MGAT4C: variants seen among roughly 807,000 people sequenced by gnomAD.
The protein encoded by MGAT4C is MGAT4 family member C.
Under a neutral mutation model 40.1 loss-of-function variants are expected in MGAT4C, and 19 were observed. The ratio of observed to expected loss-of-function variants is 0.47; its 90% CI spans 0.33 to 0.70. The LOEUF is 0.70. MGAT4C is among the 30% of genes least tolerant of loss of function. The pLI is 0.02. For missense variants in MGAT4C, 491 were observed against 563.2 expected (o/e 0.87, Z 1.30); for synonymous variants, 181 against 187.1 (o/e 0.97, Z 0.27).
chr12:86,263,360 C>T, intron 4 of MGAT4C, among the ~76,000 whole-genome samples: 1 of 152,098 alleles, frequency 6.6e-6, no homozygotes, highest in East Asian at 1.9e-4. Flanking sequence ...TCACTATTAT[C>T]TATCATTATA....
chr12:86,454,729 T>C (rs1957483794), intron 2 of MGAT4C, among the ~76,000 whole-genome samples: 1 of 152,124 alleles, frequency 6.6e-6, no homozygotes. Flanking sequence ...AATTCAATGA[T>C]ATGGGGAAAA....
chr12:86,758,834 C>T (rs927739402), intron 1 of MGAT4C, among the ~76,000 whole-genome samples: 5 of 151,912 alleles, frequency 3.3e-5, no homozygotes, highest in South Asian at 2.1e-4. Context: ...GTGTAATGAT[C>T]GAATTGGGGC....
chr12:86,267,836 T>C (rs1952826065), intron 4 of MGAT4C, among the ~76,000 whole-genome samples: 1 of 152,118 alleles, frequency 6.6e-6, no homozygotes, highest in South Asian at 2.1e-4. Context: ...TTTTCACTTA[T>C]AATATGGAAT....
chr12:86,011,835 T>G, intron 2 of MGAT4C: 1 of 985,158 alleles, frequency 1.0e-6, no homozygotes, highest in Non-Finnish European at 1.2e-6. Flanking sequence ...AAGTAAAACT[T>G]TGGTCTCAAA....
intron 2 of MGAT4C, among the ~76,000 whole-genome samples, chr12:86,507,732 T>C (rs1285239826): frequency 1.3e-5 from 2 of 152,210 alleles, no homozygotes; most frequent in African/African-American, 2.4e-5. Context: ...TGCAATATTA[T>C]TGTGGCAATA....
At chr12:86,676,933 C>T (rs529222450) in intron 2 of MGAT4C, among the ~76,000 whole-genome samples, 10 of 152,030 alleles carry the variant, frequency 6.6e-5, no homozygotes, top group Non-Finnish European at 1.5e-4. Flanking sequence ...GATGGAAAAA[C>T]AGCCATCAGT....
chr12:86,470,158 A>C (rs573213022), intron 2 of MGAT4C, among the ~76,000 whole-genome samples: 2 of 152,292 alleles, frequency 1.3e-5, no homozygotes, highest in South Asian at 4.1e-4. Flanking sequence ...CTTGCTTACA[A>C]GCAGAACTCT....
chr12:86,230,268 C>T (rs948799776), intron 1 of MGAT4C, among the ~76,000 whole-genome samples: 1 of 152,042 alleles, frequency 6.6e-6, no homozygotes, highest in Non-Finnish European at 1.5e-5. Flanking sequence ...CTATTAGAAA[C>T]ACATAGTTAT....
chr12:86,766,380 G>T (rs1227499217), intron 1 of MGAT4C, among the ~76,000 whole-genome samples: 1 of 152,086 alleles, frequency 6.6e-6, no homozygotes, highest in Non-Finnish European at 1.5e-5. Context: ...AGTCCTGAGT[G>T]ACTTACAAAG....
intron 2 of MGAT4C, among the ~76,000 whole-genome samples, chr12:86,482,958 C>T (rs150798218): frequency 1.5e-3 from 233 of 152,214 alleles, no homozygotes; most frequent in African/African-American, 5.2e-3. Flanking sequence ...ACAAATGTAT[C>T]GTGATTCTTA....
intron 1 of MGAT4C, among the ~76,000 whole-genome samples, chr12:86,094,652 T>C (rs1170171083): frequency 6.6e-6 from 1 of 152,190 alleles, no homozygotes; most frequent in Non-Finnish European, 1.5e-5. Context: ...TACAAAGATA[T>C]GTTTTCATTA....
At chr12:86,675,631 C>G (rs929914268) in intron 2 of MGAT4C, among the ~76,000 whole-genome samples, 1 of 152,178 alleles carries the variant, frequency 6.6e-6, no homozygotes, top group African/African-American at 2.4e-5. Context: ...TACAATTGGT[C>G]TGAAATGGGG....
intron 1 of MGAT4C, among the ~76,000 whole-genome samples, chr12:86,823,465 A>T (rs571969629): frequency 6.6e-6 from 1 of 151,228 alleles, no homozygotes; most frequent in South Asian, 2.1e-4. Context: ...CGGAAAAAAA[A>T]TTAACAGATA....
chr12:86,203,631 T>C (rs1404679573), intron 1 of MGAT4C, among the ~76,000 whole-genome samples: 7 of 152,202 alleles, frequency 4.6e-5, no homozygotes, highest in African/African-American at 1.7e-4. Context: ...GGAGCTCGTC[T>C]GTATGTATTT....
intron 1 of MGAT4C, among the ~76,000 whole-genome samples, chr12:86,101,074 C>A (rs1476147550): frequency 6.6e-6 from 1 of 151,516 alleles, no homozygotes; most frequent in South Asian, 2.1e-4. Flanking sequence ...ATTTCATATT[C>A]TTTTTCATTC....
Position 86,508,163 on chromosome 12 carries a change from T to A in MGAT4C, c.-228-72898A>T, listed in dbSNP as rs1958505075. Among the ~76,000 whole-genome samples, 5 of 152,258 alleles carry A rather than the reference T, an allele frequency of 3.3e-5. No homozygotes were observed. In the South Asian group the frequency reaches 1.0e-3, roughly 32 times the overall value. ...ATGCTGGTGCGCTGCACCCACTAAC[T>A]CGTCATCTAGCATTAGGTATATCTC... is the stretch of plus-strand genomic sequence containing the variant. On this transcript the variant is annotated intron_variant, in intron 2 of 7. Transcript: ENST00000548651.
intron 1 of MGAT4C, among the ~76,000 whole-genome samples, chr12:86,802,342 A>G (rs1277065632): frequency 2.0e-5 from 3 of 151,982 alleles, no homozygotes; most frequent in Non-Finnish European, 2.9e-5. Context: ...GTCCAAAAAT[A>G]TAACTAAATA....
At chr12:86,773,686 C>A (rs555522055) in intron 1 of MGAT4C, among the ~76,000 whole-genome samples, 1 of 151,944 alleles carries the variant, frequency 6.6e-6, no homozygotes, top group South Asian at 2.1e-4. Context: ...ATATTCATAT[C>A]TCTTAACTAT....
At chr12:86,001,773 T>C (rs1887324218) in intron 2 of MGAT4C, 1 of 359,270 alleles carries the variant, frequency 2.8e-6, no homozygotes, top group South Asian at 1.1e-4. Context: ...TGAGCTGAAA[T>C]ATTTTCCTTG....
Sources: gnomAD v4.1 joint callset for allele counts (sites outside exome capture counted in the v4.1 genomes callset) on GRCh38, gnomAD v4.1.1 for gene constraint, MANE v1.5 for transcripts, NCBI Gene and HGNC (gene_info 2026-07-23, HGNC 2026-07-21) for gene names.